The following ZNF280A variants were observed in gnomAD, a reference collection of about 807,000 sequenced individuals.
ZNF280A encodes the protein suppressor of hairy wing homolog 1.
Under a neutral mutation model 35.9 loss-of-function variants are expected in ZNF280A, and 26 were observed. That is an observed-to-expected ratio of 0.72 (90% CI 0.53 to 1.01). The LOEUF (loss-of-function observed/expected upper bound fraction) is 1.01, where lower values mean the gene tolerates loss of function less well. Among genes scored for constraint, ZNF280A ranks in the 50% least tolerant of loss-of-function variants. The pLI is 0.00. For missense variants in ZNF280A, 654 were observed against 652.0 expected (o/e 1.00, Z -0.03); for synonymous variants, 231 against 232.9 (o/e 0.99, Z 0.07).
In ZNF280A at chr22:22,515,343, C is replaced by T. The variant is rs1480480973; in HGVS notation, c.288G>A (p.Met96Ile). Residue 96 changes from methionine to isoleucine, a missense_variant, in exon 2 of 2, where the codon ATG (methionine) becomes ATA (isoleucine). Coordinates refer to ENST00000302097, the MANE Select transcript of ZNF280A (RefSeq NM_080740.5). The stretch of plus-strand genomic sequence containing the variant: ...GAGAAACCGGCATGATGGCTTTTGC[C>T]ATAGAGGTCACATGATTTGCAGGCT... ...VSQPANHVTS[M>I]AKAIMPVSLS... The T allele has an allele frequency of 6.2e-7, 1 of 1,613,854 alleles. No individual in the cohort carries two copies. The highest frequency in any genetic ancestry group is 1.7e-5 in the Admixed American group (1 of 59,996).
chr22:22,518,719 T>G (rs1408766689), intron 1 of ZNF280A, among the ~76,000 whole-genome samples: 1 of 144,938 alleles, frequency 6.9e-6, no homozygotes, highest in African/African-American at 2.6e-5. Context: ...ACCTGGGAGG[T>G]GGAGGTTGCA....
intron 1 of ZNF280A, among the ~76,000 whole-genome samples, chr22:22,518,529 G>A (rs2062101243): frequency 6.6e-6 from 1 of 151,708 alleles, no homozygotes; most frequent in Non-Finnish European, 1.5e-5. Flanking sequence ...GCTCACGCCT[G>A]TAATCCCAGC....
rs1417566056 is a variant in ZNF280A, at chr22:22,515,194, T to C, written c.437A>G (p.Gln146Arg). Residue 146 changes from glutamine (Q) to arginine (R), a missense_variant, in exon 2 of 2, where the codon CAG (glutamine) becomes CGG (arginine). Transcript: ENST00000302097. ...AGAGACCATAGCTCCAACTAGACAC[T>C]GAGTCCCTGGGGGGAGCGAGTCTGA... ...SSSDSLPPGTQCLVGAMVSGG... is the reference protein window; with the variant it reads ...SSSDSLPPGTRCLVGAMVSGG... The C allele has an allele frequency of 6.2e-7, 1 of 1,613,904 alleles. No homozygotes were observed. The highest frequency in any genetic ancestry group is 1.3e-5 in the African/African-American group (1 of 74,978).
chr22:22,518,082 C>G (rs112689682), intron 1 of ZNF280A, among the ~76,000 whole-genome samples: 1 of 151,750 alleles, frequency 6.6e-6, no homozygotes, highest in African/African-American at 2.4e-5. Flanking sequence ...CCCGCCACCT[C>G]GCCCGGCTAA....
intron 1 of ZNF280A, among the ~76,000 whole-genome samples, chr22:22,518,493 C>G (rs894313642): frequency 1.3e-5 from 2 of 151,356 alleles, no homozygotes; most frequent in Admixed American, 1.3e-4. Context: ...GGGGAATAAA[C>G]ATGCAAAAGG....
At chr22:22,517,876 T>TAAAAAAAAAAA (rs362029) in intron 1 of ZNF280A, among the ~76,000 whole-genome samples, 1 of 127,922 alleles carries the variant, frequency 7.8e-6, no homozygotes, top group Non-Finnish European at 1.6e-5. Context: ...ACATCTGATG[T>TAAAAAAAAAAA]AAAAAAAAAA....
rs371719015 is a variant in ZNF280A, at chr22:22,515,246, A to G, written c.385T>C (p.Ser129Pro). 3.1e-5 allele frequency: 50 copies of G among 1,613,734 alleles called. No individual in the cohort carries two copies. The highest frequency in any genetic ancestry group is 4.0e-5 in the African/African-American group (3 of 74,854). ...GAACTGGGAGAAACAACTTGTGGTG[A>G]GCTCATTTTATAACCAGGTTCAGAT... ...SSSEPGYKMS[S>P]PQVVSPSSSD... is the part of the protein sequence containing the mutation. Residue 129 changes from serine to proline, a missense_variant, in exon 2 of 2, where the codon TCA (serine) becomes CCA (proline). Ser to Pro is a moderately conservative substitution (Grantham distance 74). Transcript: ENST00000302097.
Position 22,514,360 on chromosome 22 carries a change from A to G in ZNF280A, c.1271T>C (p.Leu424Pro), listed in dbSNP as rs1010028073. 6.2e-7 allele frequency: 1 copy of G among 1,613,834 alleles called. No homozygotes were observed. The highest frequency in any genetic ancestry group is 1.1e-5 in the South Asian group (1 of 91,076). Reference sequence around the variant, plus strand: ...GAAAAGTTTGAGACAAAACAGACAAAGCAAATTCTTTGTGTTTTCATGGCA... The same window carrying G: ...GAAAAGTTTGAGACAAAACAGACAAGGCAAATTCTTTGTGTTTTCATGGCA... ...RTCHENTKNL[L>P]CLFCLKLFKT... Residue 424 changes from leucine (L) to proline (P), a missense_variant, in exon 2 of 2, where the codon CTT (leucine) becomes CCT (proline). By Grantham distance (98) the Leu-to-Pro change is moderately conservative. Coordinates refer to ENST00000302097, the MANE Select transcript of ZNF280A (RefSeq NM_080740.5).
chr22:22,518,762 T>A (rs1357248376), intron 1 of ZNF280A, among the ~76,000 whole-genome samples: 1 of 143,388 alleles, frequency 7.0e-6, no homozygotes, highest in Non-Finnish European at 1.5e-5. Flanking sequence ...TGCTCCAGCC[T>A]GGGTGACAGA....
At position 22,514,413 on chromosome 22, in the gene ZNF280A, A is replaced by G; in HGVS notation, c.1218T>C (p.Phe406=). Residue 406 remains phenylalanine (F), a synonymous_variant, in exon 2 of 2, where the codon TTT becomes TTC. Coordinates refer to ENST00000302097, the MANE Select transcript of ZNF280A (RefSeq NM_080740.5). ...CQVCHYRSSV[F]ADVETHFRTC... is the part of the protein sequence containing the mutation. Reference sequence around the variant, plus strand: ...TTCTAAAATGTGTTTCCACATCAGCAAAGACCGACGATCTGTAATGGCAAA... The same window carrying G: ...TTCTAAAATGTGTTTCCACATCAGCGAAGACCGACGATCTGTAATGGCAAA... 1 of 1,613,952 alleles carries G rather than the reference A, an allele frequency of 6.2e-7. No homozygotes were observed. The highest frequency in any genetic ancestry group is 8.5e-7 in the Non-Finnish European group (1 of 1,179,982).
Position 22,513,955 on chromosome 22 carries a change from C to T in ZNF280A, c.*47G>A. The T allele has an allele frequency of 3.7e-6, 4 of 1,073,078 alleles. No homozygotes were observed. Among genetic ancestry groups the T allele is most frequent in the Non-Finnish European group, 5.5e-6 (4 of 721,316 alleles). 66.5% of individuals were successfully genotyped at this position (1,073,078 alleles called of 1,614,324 possible). A position where few individuals can be genotyped will look rare whatever the true frequency, so the allele number is the denominator to read the frequency against. On this transcript the variant is annotated 3_prime_UTR_variant, in exon 2 of 2. Coordinates refer to ENST00000302097, the MANE Select transcript of ZNF280A (RefSeq NM_080740.5). Reference sequence around the variant, plus strand: ...CAGCCACAATGCACATATGGCCTAGCCTCACTTCTGCCTTTCGGAACTCCT... The same window carrying T: ...CAGCCACAATGCACATATGGCCTAGTCTCACTTCTGCCTTTCGGAACTCCT...
chr22:22,516,218 C>T (rs361925), intron 1 of ZNF280A, among the ~76,000 whole-genome samples: 77,688 of 151,108 alleles, frequency 0.51, 21,447 homozygotes, highest in African/African-American at 0.7. Context: ...GACTTCAAAG[C>T]TATGTTCATG....
Position 22,514,105 on chromosome 22 carries a change from A to G in ZNF280A, c.1526T>C (p.Ile509Thr), listed in dbSNP as rs2062039788. 6.2e-7 allele frequency: 1 copy of G among 1,613,788 alleles called. No homozygotes were observed. Among genetic ancestry groups the G allele is most frequent in the Non-Finnish European group, 8.5e-7 (1 of 1,179,982 alleles). Reference protein sequence around the residue: ...QPGSSGMASVIVSNTDPQSSP... With the variant: ...QPGSSGMASVTVSNTDPQSSP... Reference sequence around the variant, plus strand: ...AGACTGAGGGTCAGTGTTGCTAACAATAACGGAAGCCATACCACTTGATCC... The same window carrying G: ...AGACTGAGGGTCAGTGTTGCTAACAGTAACGGAAGCCATACCACTTGATCC... Residue 509 changes from isoleucine to threonine, a missense_variant, in exon 2 of 2, where the codon ATT (isoleucine) becomes ACT (threonine). Coordinates refer to ENST00000302097, the MANE Select transcript of ZNF280A (RefSeq NM_080740.5).
Position 22,515,296 on chromosome 22 carries a change from T to G in ZNF280A, c.335A>C (p.Asp112Ala), listed in dbSNP as rs769984477. The G allele has an allele frequency of 6.2e-7, 1 of 1,613,898 alleles. No individual in the cohort carries two copies. Among genetic ancestry groups the G allele is most frequent in the Non-Finnish European group, 8.5e-7 (1 of 1,179,966 alleles). ...TGAAGACTTCATAGTGACAGGACTA[T>G]CTGTCGATCGCCCCTCAGACAGAGA... ...PVSLSEGRSTDSPVTMKSSSE... is the reference protein window; with the variant it reads ...PVSLSEGRSTASPVTMKSSSE... The change falls in exon 2 of 2, where the codon GAT (aspartate) becomes GCT (alanine). Residue 112 changes from aspartate to alanine, a missense_variant. By Grantham distance (126) the Asp-to-Ala change is moderately radical. Coordinates refer to ENST00000302097, the MANE Select transcript of ZNF280A (RefSeq NM_080740.5).
At position 22,514,820 on chromosome 22, in the gene ZNF280A, T is replaced by G; in HGVS notation, c.811A>C (p.Asn271His). The G allele has an allele frequency of 6.2e-7, 1 of 1,613,928 alleles. No individual in the cohort carries two copies. Among genetic ancestry groups the G allele is most frequent in the Non-Finnish European group, 8.5e-7 (1 of 1,179,992 alleles). ...AAGTCGCTAAGTAACACGATGGGAT[T>G]TTCTTTCTTGGGATCAAAGGTCTTG... ...QNKTFDPKKE[N>H]PIVLLSDFYY... The change falls in exon 2 of 2, where the codon AAT becomes CAT. Residue 271 changes from asparagine to histidine, a missense_variant. Transcript: ENST00000302097.
At position 22,514,123 on chromosome 22, in the gene ZNF280A, C is replaced by T. The variant is rs1298554450; in HGVS notation, c.1508G>A (p.Ser503Asn). Residue 503 changes from serine to asparagine, a missense_variant, in exon 2 of 2, where the codon AGT (serine) becomes AAT (asparagine). Transcript: ENST00000302097. ...IIQTSVQPGS[S>N]GMASVIVSNT... Reference sequence around the variant, plus strand: ...GCTAACAATAACGGAAGCCATACCACTTGATCCTGGCTGAACTGAAGTTTG... The same window carrying T: ...GCTAACAATAACGGAAGCCATACCATTTGATCCTGGCTGAACTGAAGTTTG... The T allele has an allele frequency of 3.1e-6, 5 of 1,613,974 alleles. No homozygotes were observed. The highest frequency in any genetic ancestry group is 3.4e-6 in the Non-Finnish European group (4 of 1,179,990).
chr22:22,516,296 A>AACACACACACACACACACACACACAC (rs1555948002), intron 1 of ZNF280A, among the ~76,000 whole-genome samples: 24 of 149,394 alleles, frequency 1.6e-4, no homozygotes, highest in Non-Finnish European at 2.7e-4. Context: ...CACAAATCAC[A>AACACACACACACACACACACACACAC]GCACACACAC....
At chr22:22,518,727 G>T (rs2062104389) in intron 1 of ZNF280A, among the ~76,000 whole-genome samples, 1 of 150,860 alleles carries the variant, frequency 6.6e-6, no homozygotes, top group African/African-American at 2.4e-5. Context: ...GGTGGAGGTT[G>T]CAGTGAGCGA....
At chr22:22,517,135 A>G (rs1010092121) in intron 1 of ZNF280A, among the ~76,000 whole-genome samples, 7 of 151,946 alleles carry the variant, frequency 4.6e-5, no homozygotes, top group African/African-American at 1.7e-4. Flanking sequence ...GGACAGGTGC[A>G]GTGGCTCGTA....
Sources: allele counts gnomAD v4.1 joint callset (sites outside exome capture counted in the v4.1 genomes callset), GRCh38; gene constraint gnomAD v4.1.1; transcripts MANE v1.5; gene names NCBI Gene and HGNC (gene_info 2026-07-23, HGNC 2026-07-21).